The following FOXN2 variants were observed in gnomAD, a reference collection of about 807,000 sequenced individuals.
The protein encoded by FOXN2 is forkhead box N2.
Under a neutral mutation model 41.2 loss-of-function variants are expected in FOXN2, and 19 were observed. That is an observed-to-expected ratio of 0.46 (90% CI 0.32 to 0.68). The LOEUF (loss-of-function observed/expected upper bound fraction) is 0.68, where lower values mean the gene tolerates loss of function less well. FOXN2 is among the 30% of genes least tolerant of loss of function. FOXN2 has a pLI of 0.03. For synonymous variants in FOXN2, 195 were observed against 176.8 expected (o/e 1.10, Z -0.82); for missense variants, 587 against 509.4 (o/e 1.15, Z -1.47).
At chr2:48,349,840 G>A (rs114013101) in intron 3 of FOXN2, among the ~76,000 whole-genome samples, 3,906 of 152,326 alleles carry the variant, frequency 0.026, 70 homozygotes, top group Non-Finnish European at 0.039. Context: ...CTTTGACAGA[G>A]CACAGAAATG....
chr2:48,363,791 C>G (rs1248957896), intron 5 of FOXN2, among the ~76,000 whole-genome samples: 1 of 152,222 alleles, frequency 6.6e-6, no homozygotes, highest in African/African-American at 2.4e-5. Flanking sequence ...AGCTCAGGAG[C>G]AATCCTAGGT....
intron 2 of FOXN2, among the ~76,000 whole-genome samples, chr2:48,331,875 A>G (rs1363698278): frequency 2.0e-5 from 3 of 151,176 alleles, no homozygotes; most frequent in African/African-American, 7.3e-5. Context: ...ACTTAGCTGG[A>G]TTTTTTTTGG....
At chr2:48,341,076 T>G (rs1401927810) in intron 2 of FOXN2, among the ~76,000 whole-genome samples, 1 of 151,830 alleles carries the variant, frequency 6.6e-6, no homozygotes, top group Non-Finnish European at 1.5e-5. Flanking sequence ...TATTTTGGCC[T>G]TTTTTTTGAG....
At chr2:48,332,636 C>T (rs1167922661) in intron 2 of FOXN2, among the ~76,000 whole-genome samples, 1 of 151,846 alleles carries the variant, frequency 6.6e-6, no homozygotes, top group Non-Finnish European at 1.5e-5. Flanking sequence ...GATTTTGTAC[C>T]CTGATTTTTA....
At chr2:48,336,248 A>T (rs1670341725) in intron 2 of FOXN2, among the ~76,000 whole-genome samples, 1 of 151,276 alleles carries the variant, frequency 6.6e-6, no homozygotes, top group South Asian at 2.1e-4. Flanking sequence ...TACCAAAAAT[A>T]TTTTTTTAAA....
At chr2:48,314,950 C>G (rs1025691862) in intron 1 of FOXN2, 136 bp downstream of exon 1, 1 of 151,970 alleles carries the variant, frequency 6.6e-6, no homozygotes, top group South Asian at 2.1e-4. Flanking sequence ...CCGTGACGCG[C>G]CCGGACATTT....
intron 1 of FOXN2, among the ~76,000 whole-genome samples, chr2:48,315,326 C>T (rs997292878): frequency 6.6e-6 from 1 of 152,196 alleles, no homozygotes; most frequent in Admixed American, 6.5e-5. Flanking sequence ...TTGGGACTGG[C>T]TGGGCCCCGC....
At chr2:48,327,937 T>G (rs1669787202) in intron 1 of FOXN2, among the ~76,000 whole-genome samples, 2 of 152,186 alleles carry the variant, frequency 1.3e-5, no homozygotes. Flanking sequence ...GTCCTAAGTT[T>G]TACTCTTGCT....
intron 2 of FOXN2, among the ~76,000 whole-genome samples, chr2:48,342,288 T>C (rs1453354787): frequency 1.2e-4 from 18 of 152,128 alleles, no homozygotes; most frequent in Admixed American, 1.2e-3. Context: ...TGGGCTTTAG[T>C]TTACCATTTC....
chr2:48,356,889 G>A (rs1464421122), intron 3 of FOXN2, among the ~76,000 whole-genome samples: 4 of 152,116 alleles, frequency 2.6e-5, no homozygotes, highest in Non-Finnish European at 5.9e-5. Flanking sequence ...GTTCTAAAAC[G>A]CAAAATAATA....
chr2:48,320,224 C>T (rs1376612089), intron 1 of FOXN2, among the ~76,000 whole-genome samples: 1 of 152,022 alleles, frequency 6.6e-6, no homozygotes, highest in African/African-American at 2.4e-5. Context: ...ATCATAGCAA[C>T]AACTGCAGTC....
intron 3 of FOXN2, among the ~76,000 whole-genome samples, chr2:48,356,264 A>G (rs1000199145): frequency 1.1e-4 from 16 of 152,324 alleles, no homozygotes; most frequent in African/African-American, 3.8e-4. Context: ...AACATGGTGG[A>G]ACCCTGTCTC....
chr2:48,361,499 A>G (rs1672184139), intron 4 of FOXN2, among the ~76,000 whole-genome samples: 1 of 152,084 alleles, frequency 6.6e-6, no homozygotes, highest in African/African-American at 2.4e-5. Context: ...ACTACAACAT[A>G]AGGGTTATAT....
At chr2:48,348,370 A>G (rs1029070606) in intron 3 of FOXN2, among the ~76,000 whole-genome samples, 2 of 151,314 alleles carry the variant, frequency 1.3e-5, no homozygotes, top group African/African-American at 4.9e-5. Flanking sequence ...TAATGTTTTC[A>G]TTTTCCTTTT....
intron 5 of FOXN2, among the ~76,000 whole-genome samples, chr2:48,369,360 A>G (rs1221899910): frequency 1.3e-5 from 2 of 152,076 alleles, no homozygotes; most frequent in Non-Finnish European, 2.9e-5. Flanking sequence ...CAACATGATG[A>G]AACCCCATCT....
intron 5 of FOXN2, among the ~76,000 whole-genome samples, chr2:48,363,533 C>G (rs987329490): frequency 6.6e-6 from 1 of 152,202 alleles, no homozygotes; most frequent in East Asian, 1.9e-4. Flanking sequence ...TCTACATTCA[C>G]TCACCACTAA....
At chr2:48,325,331 A>G (rs1669588802) in intron 1 of FOXN2, among the ~76,000 whole-genome samples, 1 of 152,218 alleles carries the variant, frequency 6.6e-6, no homozygotes, top group African/African-American at 2.4e-5. Flanking sequence ...CTAGTAAAGT[A>G]TTTACAACAA....
chr2:48,378,519 G>C lies in FOXN2; in HGVS notation c.*3076G>C, dbSNP rs1385443388. 6.6e-6 allele frequency: 1 copy of C among 151,630 alleles called. No individual in the cohort carries two copies. The highest frequency in any genetic ancestry group is 1.5e-5 in the Non-Finnish European group (1 of 67,824). The allele number at this position is 151,630 out of a possible 1,614,324, so 9.4% of individuals were successfully genotyped here. A position where few individuals can be genotyped will look rare whatever the true frequency, so the allele number is the denominator to read the frequency against. On this transcript the variant is annotated 3_prime_UTR_variant, in exon 7 of 7. Transcript: ENST00000340553. ...GAATGTATATGTCTTGGTAGACCAG[G>C]AGGCCTTTGCCAGCAATTTAAGCAA...
intron 3 of FOXN2, among the ~76,000 whole-genome samples, chr2:48,351,324 C>T (rs1572744636): frequency 6.6e-6 from 1 of 152,266 alleles, no homozygotes; most frequent in South Asian, 2.1e-4. Flanking sequence ...ATCGCCCAGG[C>T]TGGAGTGCAG....
Sources: allele counts gnomAD v4.1 joint callset (sites outside exome capture counted in the v4.1 genomes callset), GRCh38; gene constraint gnomAD v4.1.1; transcripts MANE v1.5; gene names NCBI Gene and HGNC (gene_info 2026-07-23, HGNC 2026-07-21).